NELL1: variants seen among roughly 807,000 people sequenced by gnomAD.
NELL1 encodes the protein protein kinase C-binding protein NELL1.
NELL1 carries 76 observed loss-of-function variants against 107.4 expected under a neutral mutation model. That is an observed-to-expected ratio of 0.71 (90% confidence interval 0.59 to 0.86). The LOEUF (loss-of-function observed/expected upper bound fraction) is 0.86. NELL1 is among the 40% of genes least tolerant of loss of function. NELL1 has a pLI of 0.00. For missense variants in NELL1, 1,024 were observed against 1,005.5 expected (o/e 1.02, Z -0.25); for synonymous variants, 353 against 341.2 (o/e 1.03, Z -0.38).
At chr11:21,499,619 T>C (rs150335557) in intron 15 of NELL1, among the ~76,000 whole-genome samples, 1 of 152,238 alleles carries the variant, frequency 6.6e-6, no homozygotes, top group Non-Finnish European at 1.5e-5. Flanking sequence ...GTTGTAAGTT[T>C]TCTTTCCAGG....
intron 4 of NELL1, among the ~76,000 whole-genome samples, chr11:20,866,270 C>T (rs1849094608): frequency 6.6e-6 from 1 of 152,148 alleles, no homozygotes; most frequent in Non-Finnish European, 1.5e-5. Context: ...AGAAGCACAT[C>T]TGGCAGGAGA....
intron 12 of NELL1, among the ~76,000 whole-genome samples, chr11:20,991,348 A>G (rs10833429): frequency 0.23 from 34,754 of 152,150 alleles, 4,275 homozygotes; most frequent in Middle Eastern, 0.41. Context: ...TGGATTTTCA[A>G]AAAGGGAGAG....
At chr11:21,458,463 C>A (rs146143490) in intron 15 of NELL1, among the ~76,000 whole-genome samples, 11 of 152,162 alleles carry the variant, frequency 7.2e-5, no homozygotes, top group African/African-American at 2.6e-4. Context: ...AGGAAACAAT[C>A]TTTATGCTGA....
intron 12 of NELL1, among the ~76,000 whole-genome samples, chr11:21,007,410 C>G (rs1055694387): frequency 4.1e-5 from 6 of 147,186 alleles, no homozygotes; most frequent in East Asian, 3.9e-4. Context: ...CACACACACA[C>G]ACAGACAGAC....
chr11:21,166,187 C>A (rs552474523), intron 13 of NELL1, among the ~76,000 whole-genome samples: 1 of 151,208 alleles, frequency 6.6e-6, no homozygotes, highest in South Asian at 2.1e-4. Flanking sequence ...AACAAGTGAA[C>A]CCATGAAGAT....
chr11:20,906,353 C>T (rs1193747981), intron 5 of NELL1, among the ~76,000 whole-genome samples: 1 of 151,964 alleles, frequency 6.6e-6, no homozygotes, highest in African/African-American at 2.4e-5. Context: ...GAACTGGTAA[C>T]AAAAATCTCT....
chr11:20,930,787 C>G (rs996546359), intron 9 of NELL1, among the ~76,000 whole-genome samples: 1 of 149,878 alleles, frequency 6.7e-6, no homozygotes, highest in Admixed American at 6.6e-5. Flanking sequence ...TTGATACACA[C>G]ACTAACTAAA....
chr11:21,103,987 G>A (rs573774376), intron 12 of NELL1, among the ~76,000 whole-genome samples: 10 of 152,226 alleles, frequency 6.6e-5, no homozygotes, highest in Non-Finnish European at 8.8e-5. Flanking sequence ...GAAACTTTAC[G>A]GCCTATAGCA....
At chr11:21,014,163 G>A (rs1164690450) in intron 12 of NELL1, among the ~76,000 whole-genome samples, 1 of 152,106 alleles carries the variant, frequency 6.6e-6, no homozygotes, top group Non-Finnish European at 1.5e-5. Flanking sequence ...CAATGATTCA[G>A]TTGGATTTGA....
chr11:20,986,333 C>T (rs923253207), intron 12 of NELL1, among the ~76,000 whole-genome samples: 19 of 152,324 alleles, frequency 1.2e-4, no homozygotes, highest in African/African-American at 4.6e-4. Context: ...CAGATCTGCC[C>T]ATGTTCCAGA....
At chr11:21,445,017 A>G (rs1368824493) in intron 15 of NELL1, among the ~76,000 whole-genome samples, 1 of 152,168 alleles carries the variant, frequency 6.6e-6, no homozygotes, top group Non-Finnish European at 1.5e-5. Context: ...ACAACTTAAC[A>G]CTGATTACAT....
At chr11:21,446,254 T>C (rs1853424855) in intron 15 of NELL1, among the ~76,000 whole-genome samples, 1 of 152,196 alleles carries the variant, frequency 6.6e-6, no homozygotes. Context: ...TGTGTTATCC[T>C]GAATTTCTTT....
chr11:21,016,925 T>TGAGCTATG (rs749898689), intron 12 of NELL1, among the ~76,000 whole-genome samples: 12 of 152,090 alleles, frequency 7.9e-5, no homozygotes, highest in Non-Finnish European at 1.8e-4. Flanking sequence ...CCACTTTTTA[T>TGAGCTATG]GAGCTATGTT....
At chr11:21,437,409 G>C (rs945458671) in intron 15 of NELL1, among the ~76,000 whole-genome samples, 1 of 152,060 alleles carries the variant, frequency 6.6e-6, no homozygotes, top group Non-Finnish European at 1.5e-5. Context: ...ACCCAGGCTG[G>C]AGTGCAATGG....
chr11:20,738,231 G>A (rs541156850), intron 2 of NELL1, among the ~76,000 whole-genome samples: 1 of 152,242 alleles, frequency 6.6e-6, no homozygotes, highest in African/African-American at 2.4e-5. Context: ...CTGGTGGGTG[G>A]GGGGATTTTC....
intron 2 of NELL1, among the ~76,000 whole-genome samples, chr11:20,778,786 GA>G (rs1470266597): frequency 1.3e-5 from 2 of 152,052 alleles, no homozygotes; most frequent in Non-Finnish European, 2.9e-5. Context: ...TTACAAAATG[GA>G]AAGCCTCACG....
chr11:21,156,581 T>C (rs1465182476), intron 13 of NELL1, among the ~76,000 whole-genome samples: 4 of 152,108 alleles, frequency 2.6e-5, no homozygotes, highest in South Asian at 4.1e-4. Flanking sequence ...GGGTACTGGA[T>C]TGAAGATTCC....
chr11:21,192,108 G>T (rs1270901413), intron 13 of NELL1, among the ~76,000 whole-genome samples: 2 of 151,660 alleles, frequency 1.3e-5, no homozygotes, highest in African/African-American at 2.4e-5. Flanking sequence ...TACTTATGTG[G>T]TAATAATTAT....
At chr11:20,709,831 C>A (rs1395514918) in intron 2 of NELL1, among the ~76,000 whole-genome samples, 2 of 151,942 alleles carry the variant, frequency 1.3e-5, no homozygotes, top group Non-Finnish European at 2.9e-5. Flanking sequence ...GGATTGAGTT[C>A]TTGATTTGAT....
Sources: gnomAD v4.1 joint callset for allele counts (sites outside exome capture counted in the v4.1 genomes callset) on GRCh38, gnomAD v4.1.1 for gene constraint, MANE v1.5 for transcripts, NCBI Gene and HGNC (gene_info 2026-07-23, HGNC 2026-07-21) for gene names.